The following MARCHF1 variants were observed in gnomAD, a reference collection of about 807,000 sequenced individuals.
MARCHF1 encodes the protein E3 ubiquitin-protein ligase MARCHF1.
MARCHF1 carries 40 observed loss-of-function variants against 54.2 expected under a neutral mutation model. The ratio of observed to expected loss-of-function variants is 0.74; its 90% CI spans 0.57 to 0.96. The LOEUF (loss-of-function observed/expected upper bound fraction) is 0.96. Among genes scored for constraint, MARCHF1 ranks in the 40% least tolerant of loss-of-function variants. The probability of loss-of-function intolerance (pLI) is 0.00; values close to 1 mark genes in which losing one functional copy is unlikely to be tolerated. For missense variants in MARCHF1, 586 were observed against 656.5 expected, an observed-to-expected ratio of 0.89 and a Z score of 1.17; for synonymous variants, 236 against 236.3, an observed-to-expected ratio of 1.00 and a Z score of 0.01.
At chr4:164,218,656 C>T (rs2111141163) in intron 1 of MARCHF1, among the ~76,000 whole-genome samples, 1 of 135,224 alleles carries the variant, frequency 7.4e-6, no homozygotes, top group African/African-American at 2.8e-5. Context: ...ACAATGGAAA[C>T]ACATGGACAC....
Position 164,140,680 on chromosome 4 carries a change from C to T in MARCHF1, c.-322-29018G>A, listed in dbSNP as rs140065588. On this transcript the variant is annotated intron_variant, in intron 1 of 9. Coordinates refer to ENST00000514618, the MANE Select transcript of MARCHF1 (RefSeq NM_001394959.1). ...AGTCTTCTTCCTTGGCAATACCTGT[C>T]GCCATCATTTCCTTTCTGTGCAGCA... Among the ~76,000 whole-genome samples the T allele has an allele frequency of 3.9e-4, 59 of 152,238 alleles. 2 individuals carry two copies. Among genetic ancestry groups the T allele is most frequent in the African/African-American group, 1.3e-3 (54 of 41,540 alleles).
intron 1 of MARCHF1, among the ~76,000 whole-genome samples, chr4:164,195,022 TTC>T (rs1449887145): frequency 2.0e-5 from 3 of 151,650 alleles, no homozygotes; most frequent in African/African-American, 7.3e-5. Context: ...TATCCGTATG[TTC>T]TCATTTTTCA....
At chr4:164,031,275 C>A (rs1753871259) in intron 2 of MARCHF1, among the ~76,000 whole-genome samples, 3 of 152,088 alleles carry the variant, frequency 2.0e-5, no homozygotes, top group Admixed American at 6.6e-5. Context: ...AGTTTATTTG[C>A]ATAGTGGTGT....
intron 7 of MARCHF1, among the ~76,000 whole-genome samples, chr4:163,601,953 A>G (rs941151927): frequency 6.6e-6 from 1 of 151,988 alleles, no homozygotes. Context: ...TATTATTGAT[A>G]ATACTATCAT....
chr4:164,165,858 C>T (rs967969727), intron 1 of MARCHF1, among the ~76,000 whole-genome samples: 18 of 151,944 alleles, frequency 1.2e-4, no homozygotes, highest in Admixed American at 1.3e-4. Context: ...TTTCCTACTC[C>T]GATACAACAA....
intron 4 of MARCHF1, among the ~76,000 whole-genome samples, chr4:163,848,578 C>A (rs1254464503): frequency 6.6e-6 from 1 of 152,046 alleles, no homozygotes; most frequent in African/African-American, 2.4e-5. Flanking sequence ...AATATTGAAA[C>A]TCTTATTTGA....
intron 3 of MARCHF1, among the ~76,000 whole-genome samples, chr4:163,875,968 T>C (rs1258583396): frequency 6.6e-6 from 1 of 152,012 alleles, no homozygotes; most frequent in Non-Finnish European, 1.5e-5. Flanking sequence ...CACAGAACCA[T>C]AAGGACATAA....
At chr4:163,972,721 T>TTC (rs1313517211) in intron 3 of MARCHF1, among the ~76,000 whole-genome samples, 1 of 151,346 alleles carries the variant, frequency 6.6e-6, no homozygotes, top group Non-Finnish European at 1.5e-5. Context: ...TAATTTTTTT[T>TTC]TTTTTTTTTG....
chr4:164,117,000 G>A (rs1304070148), intron 1 of MARCHF1, among the ~76,000 whole-genome samples: 1 of 152,104 alleles, frequency 6.6e-6, no homozygotes, highest in Non-Finnish European at 1.5e-5. Context: ...ACTCACGCCT[G>A]TAATGCCAGC....
At chr4:163,721,568 C>G (rs1255469882) in intron 4 of MARCHF1, among the ~76,000 whole-genome samples, 1 of 152,126 alleles carries the variant, frequency 6.6e-6, no homozygotes, top group Non-Finnish European at 1.5e-5. Flanking sequence ...AGGATTCCCT[C>G]TTTTTCTATT....
chr4:164,153,645 CAT>C (rs1345461053), intron 1 of MARCHF1, among the ~76,000 whole-genome samples: 1 of 152,020 alleles, frequency 6.6e-6, no homozygotes, highest in African/African-American at 2.4e-5. Context: ...AAGCATTCTC[CAT>C]AGACAAAATA....
chr4:163,675,894 A>G (rs1743895828), intron 5 of MARCHF1, among the ~76,000 whole-genome samples: 1 of 152,198 alleles, frequency 6.6e-6, no homozygotes, highest in Admixed American at 6.5e-5. Flanking sequence ...TCTTCCCTAG[A>G]GAAGTCTTGT....
intron 3 of MARCHF1, among the ~76,000 whole-genome samples, chr4:163,886,247 GTATAGATAGATATATAGGTAGA>G (rs1750530457): frequency 6.7e-6 from 1 of 149,156 alleles, no homozygotes; most frequent in Non-Finnish European, 1.5e-5. Context: ...ATAGAGATAG[GTATAGATAGATATATAGGTAGA>G]TATAGATAGA....
chr4:164,332,042 C>T (rs1021569602), intron 1 of MARCHF1, among the ~76,000 whole-genome samples: 1 of 152,134 alleles, frequency 6.6e-6, no homozygotes, highest in Admixed American at 6.5e-5. Context: ...TTCTTTCTAC[C>T]TTATATTCTT....
intron 2 of MARCHF1, among the ~76,000 whole-genome samples, chr4:164,023,501 G>C (rs549717219): frequency 2.6e-5 from 4 of 152,244 alleles, no homozygotes; most frequent in African/African-American, 7.2e-5. Flanking sequence ...GTGACACAAA[G>C]AGCAAGAATC....
chr4:163,722,631 T>TA (rs1296837646), intron 4 of MARCHF1, among the ~76,000 whole-genome samples: 1 of 152,210 alleles, frequency 6.6e-6, no homozygotes. Flanking sequence ...AGTGGGGTGT[T>TA]AAAGTCTCCC....
chr4:163,729,367 T>C (rs192643795), intron 4 of MARCHF1, among the ~76,000 whole-genome samples: 48 of 152,106 alleles, frequency 3.2e-4, no homozygotes, highest in African/African-American at 1.1e-3. Flanking sequence ...TATAATTTCT[T>C]TTTAAATGTA....
At chr4:164,092,028 T>C (rs1017766325) in intron 2 of MARCHF1, among the ~76,000 whole-genome samples, 1 of 152,108 alleles carries the variant, frequency 6.6e-6, no homozygotes, top group Non-Finnish European at 1.5e-5. Context: ...AAAGTCATCA[T>C]GTTGGTGAGG....
chr4:164,170,097 A>G (rs1018580914), intron 1 of MARCHF1, among the ~76,000 whole-genome samples: 1 of 152,080 alleles, frequency 6.6e-6, no homozygotes, highest in Admixed American at 6.6e-5. Flanking sequence ...CAGGGAAACC[A>G]CCAAAAAGAA....
Sources: allele counts gnomAD v4.1 joint callset (sites outside exome capture counted in the v4.1 genomes callset), GRCh38; gene constraint gnomAD v4.1.1; transcripts MANE v1.5; gene names NCBI Gene and HGNC (gene_info 2026-07-23, HGNC 2026-07-21).